Variants in BCL2L1 observed in about 807,000 individuals in gnomAD.
BCL2L1 encodes the protein BCL2 like 1, also known as bcl-2-like protein 1.
A neutral mutation model predicts 18.7 loss-of-function variants in BCL2L1; 1 was observed. The observed-to-expected ratio is 0.05, with a 90% CI of 0.02 to 0.25. BCL2L1 has a LOEUF of 0.25. Among genes scored for constraint, BCL2L1 ranks in the 10% least tolerant of loss-of-function variants. The pLI, the probability that BCL2L1 is intolerant of heterozygous loss-of-function variation, is 1.00. For synonymous variants in BCL2L1, 103 were observed against 122.7 expected (o/e 0.84, Z 1.06); for missense variants, 207 against 304.9 (o/e 0.68, Z 2.39).
At chr20:31,683,551 C>T (rs564823658) in intron 2 of BCL2L1, among the ~76,000 whole-genome samples, 1 of 152,182 alleles carries the variant, frequency 6.6e-6, no homozygotes, top group Admixed American at 6.5e-5. Context: ...GGTGGATCAC[C>T]TGAGATCAGG....
At chr20:31,671,011 T>C (rs10439608) in intron 2 of BCL2L1, among the ~76,000 whole-genome samples, 56,539 of 151,970 alleles carry the variant, frequency 0.37, 12,729 homozygotes, top group African/African-American at 0.62. Context: ...GAGTGGGTTG[T>C]AGGGAGGTCT....
intron 2 of BCL2L1, among the ~76,000 whole-genome samples, chr20:31,677,301 C>A (rs962726302): frequency 2.0e-5 from 3 of 151,762 alleles, no homozygotes; most frequent in Non-Finnish European, 4.4e-5. Context: ...TCTGCCTCAG[C>A]CTCCCAAGTA....
At chr20:31,682,255 C>A (rs2060877500) in intron 2 of BCL2L1, among the ~76,000 whole-genome samples, 1 of 152,204 alleles carries the variant, frequency 6.6e-6, no homozygotes. Flanking sequence ...AAGGATTGCT[C>A]TCCTGTCACT....
At chr20:31,675,946 C>A (rs529970765) in intron 2 of BCL2L1, among the ~76,000 whole-genome samples, 2 of 152,226 alleles carry the variant, frequency 1.3e-5, no homozygotes, top group Non-Finnish European at 2.9e-5. Flanking sequence ...CCTCCTCCCC[C>A]ACCATTAGTT....
intron 2 of BCL2L1, among the ~76,000 whole-genome samples, chr20:31,683,002 T>C (rs2060889596): frequency 6.6e-6 from 1 of 152,206 alleles, no homozygotes; most frequent in South Asian, 2.1e-4. Context: ...TGTATTGTCC[T>C]AACAGCCTCC....
chr20:31,710,168 G>A (rs946016124), intron 2 of BCL2L1, among the ~76,000 whole-genome samples: 10 of 152,204 alleles, frequency 6.6e-5, no homozygotes. Context: ...TCTGCTAGAT[G>A]CTGGGGATGA....
chr20:31,703,270 A>T (rs1218770463), intron 2 of BCL2L1, among the ~76,000 whole-genome samples: 2 of 150,962 alleles, frequency 1.3e-5, no homozygotes, highest in Non-Finnish European at 1.5e-5. Context: ...TCTCGAACTC[A>T]TTACCTCAGG....
chr20:31,704,066 G>A (rs977493341), intron 2 of BCL2L1, among the ~76,000 whole-genome samples: 76 of 150,796 alleles, frequency 5.0e-4, no homozygotes, highest in Non-Finnish European at 5.0e-4. Flanking sequence ...CCAAAGTGCT[G>A]GGATTACAGG....
rs2122865282 is a variant in BCL2L1 at position 31,721,143 on chromosome 20, G to A, written c.564+512C>T. Among the ~76,000 whole-genome samples, 3 of 152,336 alleles carry A rather than the reference G, an allele frequency of 2.0e-5. No homozygotes were observed. The East Asian group carries it at 5.8e-4, about 29-fold the overall frequency. On this transcript the variant is annotated intron_variant, in intron 2 of 2. Coordinates refer to ENST00000307677, the MANE Select transcript of BCL2L1 (RefSeq NM_138578.3). The stretch of plus-strand genomic sequence containing the variant: ...GGCCATGCCCTAGTCTGAGAGGAGA[G>A]TGCCATACACGCAAACTTTGAAATA...
intron 2 of BCL2L1, among the ~76,000 whole-genome samples, chr20:31,710,581 C>G (rs1392611905): frequency 6.6e-6 from 1 of 152,106 alleles, no homozygotes; most frequent in Non-Finnish European, 1.5e-5. Flanking sequence ...GGAAAGGGTG[C>G]AGGTTGATGA....
At chr20:31,679,263 CCACCAGGAGGCCTGGAAGCAACT>C (rs2060815980) in intron 2 of BCL2L1, among the ~76,000 whole-genome samples, 1 of 152,188 alleles carries the variant, frequency 6.6e-6, no homozygotes, top group African/African-American at 2.4e-5. Flanking sequence ...CAGAGCACCA[CCACCAGGAGGCCTGGAAGCAACT>C]CACTGTCCCA....
chr20:31,723,735 C>T, upstream of BCL2L1: 2 of 985,482 alleles, frequency 2.0e-6, no homozygotes, highest in South Asian at 4.7e-5. Flanking sequence ...GCGCTCTCAC[C>T]TGCGAGCCCC....
At chr20:31,690,711 C>T (rs1055560050) in intron 2 of BCL2L1, among the ~76,000 whole-genome samples, 2 of 152,088 alleles carry the variant, frequency 1.3e-5, no homozygotes, top group African/African-American at 4.8e-5. Flanking sequence ...GCTGGGATTA[C>T]AGGCGTGCGC....
chr20:31,667,730 C>A (rs1229456945), intron 2 of BCL2L1, among the ~76,000 whole-genome samples: 2 of 152,130 alleles, frequency 1.3e-5, no homozygotes, highest in African/African-American at 4.8e-5. Flanking sequence ...GTCCATGCTC[C>A]ACACAGAGCT....
chr20:31,704,233 A>G (rs538461958), intron 2 of BCL2L1, among the ~76,000 whole-genome samples: 1 of 151,046 alleles, frequency 6.6e-6, no homozygotes, highest in South Asian at 2.1e-4. Flanking sequence ...CCTCCTGAGT[A>G]GCTGGGATTA....
intron 1 of BCL2L1, 53 bp from the exon 2 acceptor site, chr20:31,722,401 T>A (rs1181930837): frequency 1.8e-5 from 8 of 446,994 alleles, no homozygotes; most frequent in Non-Finnish European, 3.0e-5. Context: ...AAAAATTCCA[T>A]TCCCCCTCCA....
intron 2 of BCL2L1, among the ~76,000 whole-genome samples, chr20:31,690,381 G>C (rs1229726881): frequency 6.6e-6 from 1 of 151,938 alleles, no homozygotes; most frequent in Non-Finnish European, 1.5e-5. Flanking sequence ...GTGAGTCACT[G>C]CACCTGGCCA....
chr20:31,674,939 A>G (rs1045483913), intron 2 of BCL2L1, among the ~76,000 whole-genome samples: 27 of 151,620 alleles, frequency 1.8e-4, no homozygotes, highest in Non-Finnish European at 1.0e-4. Context: ...CAAACCCCAT[A>G]TTCTGAGCCA....
At chr20:31,720,756 G>T in intron 2 of BCL2L1, 2 of 985,300 alleles carry the variant, frequency 2.0e-6, no homozygotes, top group African/African-American at 3.5e-5. Context: ...TTACATGACA[G>T]AACTGGAACT....
Sources: gnomAD v4.1 joint callset for allele counts (sites outside exome capture counted in the v4.1 genomes callset) on GRCh38, gnomAD v4.1.1 for gene constraint, MANE v1.5 for transcripts, NCBI Gene and HGNC (gene_info 2026-07-23, HGNC 2026-07-21) for gene names.